Variants in HEXD observed in about 807,000 individuals in gnomAD.
HEXD encodes N-acetyl-beta-galactosaminidase.
HEXD carries 47 observed loss-of-function variants against 54.2 expected under a neutral mutation model. The observed-to-expected ratio is 0.87, with a 90% confidence interval of 0.69 to 1.11. The LOEUF is 1.11. Among genes scored for constraint, HEXD ranks in the 50% least tolerant of loss-of-function variants. The pLI is 0.00. For synonymous variants in HEXD, 293 were observed against 287.6 expected (o/e 1.02, Z -0.19); for missense variants, 576 against 649.2 (o/e 0.89, Z 1.23).
intron 6 of HEXD, among the ~76,000 whole-genome samples, chr17:82,436,416 G>A (rs993598280): frequency 7.2e-5 from 11 of 152,226 alleles, no homozygotes; most frequent in Non-Finnish European, 1.0e-4. Flanking sequence ...ATTCAGCCGC[G>A]TGCTCCAGCT....
At chr17:82,438,129 C>T (rs1290298301) in intron 8 of HEXD, among the ~76,000 whole-genome samples, 3 of 151,894 alleles carry the variant, frequency 2.0e-5, no homozygotes, top group Non-Finnish European at 2.9e-5. Context: ...CCTAGCTACT[C>T]GGGAGGCTGA....
intron 4 of HEXD, 128 bp downstream of exon 4, chr17:82,428,773 A>G (rs570393776): frequency 2.7e-6 from 2 of 750,920 alleles, no homozygotes; most frequent in African/African-American, 1.7e-5. Context: ...GCAGCTCAGC[A>G]CAACATGGAA....
intron 8 of HEXD, 60 bp downstream of exon 8, chr17:82,437,423 G>A (rs968196451): frequency 1.1e-4 from 161 of 1,419,594 alleles, no homozygotes; most frequent in Admixed American, 1.4e-4. Context: ...CCACCACGTC[G>A]GCCTGTGCAG....
At chr17:82,427,523 A>AATCAGGTGCGATGAGATG (rs1486985617) in intron 3 of HEXD, among the ~76,000 whole-genome samples, 3 of 152,038 alleles carry the variant, frequency 2.0e-5, no homozygotes, top group Non-Finnish European at 2.9e-5. Context: ...GCAATGAGAT[A>AATCAGGTGCGATGAGATG]ATCAGGTGCG....
rs1235887888 is a variant in HEXD at position 82,434,499 on chromosome 17, A to G, written c.447+677A>G. ...CCCAGAAGTTTCCTTTTTTTGAAGGAAACCTGAGTATGTAAAATACACTTA... is the reference window on the plus strand; with the variant it reads ...CCCAGAAGTTTCCTTTTTTTGAAGGGAACCTGAGTATGTAAAATACACTTA... On this transcript the variant is annotated intron_variant, in intron 5 of 12. Transcript: ENST00000327949. The surrounding 1 kb of genome is among the most constrained non-coding windows in gnomAD (Gnocchi z 4.5). Among the ~76,000 whole-genome samples the G allele has an allele frequency of 1.3e-5, 2 of 152,180 alleles. No homozygotes were observed. The highest frequency in any genetic ancestry group is 2.9e-5 in the Non-Finnish European group (2 of 68,026).
Position 82,418,379 on chromosome 17 carries a change from C to T in HEXD, c.-413C>T, listed in dbSNP as rs1163928364. The T allele has an allele frequency of 2.1e-6, 3 of 1,444,642 alleles. No individual in the cohort carries two copies. The highest frequency in any genetic ancestry group is 1.3e-5 in the South Asian group (1 of 78,334). 89.5% of individuals were successfully genotyped at this position (1,444,642 alleles called of 1,614,324 possible). ...CCCACTCCATGGCCCTGTCCGCCGC[C>T]GCAGCGCGCGCCCTTCCCCTCCTCA... On this transcript the variant is annotated 5_prime_UTR_variant, in exon 1 of 13. Transcript: ENST00000327949.
In HEXD at chr17:82,442,386, G is replaced by A. The variant is rs201336301; in HGVS notation, c.*2G>A. 32 of 1,609,812 alleles carry A rather than the reference G, an allele frequency of 2.0e-5. No homozygotes were observed. The East Asian group carries it at 6.9e-4, about 35-fold the overall frequency. ...AGGGACGTTGCTCAGGACCCCTGAG[G>A]GGAGAGCTCATGCCAGGGGGCTCCT... On this transcript the variant is annotated 3_prime_UTR_variant, in exon 13 of 13. Coordinates refer to ENST00000327949, the MANE Select transcript of HEXD (RefSeq NM_001330542.2). This position sits in a 1 kb window ranked among gnomAD's most constrained non-coding sequence, Gnocchi z 6.8.
At chr17:82,438,095 G>A (rs2053824362) in intron 8 of HEXD, among the ~76,000 whole-genome samples, 1 of 152,128 alleles carries the variant, frequency 6.6e-6, no homozygotes, top group Admixed American at 6.5e-5. Context: ...AAATTAGCCT[G>A]GCGTGGTGGC....
intron 2 of HEXD, 39 bp from the exon 3 acceptor site, chr17:82,424,355 C>A: frequency 1.4e-6 from 2 of 1,380,444 alleles, no homozygotes; most frequent in Non-Finnish European, 2.1e-6. Flanking sequence ...CGTGCTCCAG[C>A]AGCCACTTCT....
chr17:82,436,746 C>G lies in HEXD; in HGVS notation c.703+8C>G. On this transcript the variant is annotated splice_region_variant and intron_variant, in intron 7 of 12. Coordinates refer to ENST00000327949, the MANE Select transcript of HEXD (RefSeq NM_001330542.2). The stretch of plus-strand genomic sequence containing the variant: ...TGGATGTGCACGGCAAGGGTCAGTG[C>G]CAAGTTGTGGGGGGTGTGTTGTCCT... The G allele has an allele frequency of 6.2e-7, 1 of 1,610,094 alleles. No individual in the cohort carries two copies. The highest frequency in any genetic ancestry group is 8.5e-7 in the Non-Finnish European group (1 of 1,178,252).
chr17:82,433,624 C>A lies in HEXD; in HGVS notation c.283-34C>A, dbSNP rs540224748. 6 of 1,510,998 alleles carry A rather than the reference C, an allele frequency of 4.0e-6. No individual in the cohort carries two copies. The South Asian group carries it at 8.0e-5, about 20-fold the overall frequency. 93.6% of individuals were successfully genotyped at this position (1,510,998 alleles called of 1,614,324 possible). On this transcript the variant is annotated intron_variant, in intron 4 of 12. Coordinates refer to ENST00000327949, the MANE Select transcript of HEXD (RefSeq NM_001330542.2). ...CAGAAGGAGATCAGTCCAGCTCCTC[C>A]GCCCCCAACGCGAACTTCTCTGTCT...
intron 4 of HEXD, among the ~76,000 whole-genome samples, chr17:82,431,603 G>T (rs1427120606): frequency 6.6e-6 from 1 of 151,900 alleles, no homozygotes; most frequent in Admixed American, 6.6e-5. Context: ...TAGTAGAGAC[G>T]GGGTTTTGCC....
chr17:82,432,295 G>C (rs900187175), intron 4 of HEXD, among the ~76,000 whole-genome samples: 1 of 152,120 alleles, frequency 6.6e-6, no homozygotes, highest in South Asian at 2.1e-4. Context: ...TCTGTTTCCA[G>C]GGTCACCCAT....
chr17:82,422,831 T>C (rs1055962484), intron 2 of HEXD, among the ~76,000 whole-genome samples: 1 of 151,924 alleles, frequency 6.6e-6, no homozygotes, highest in African/African-American at 2.4e-5. Flanking sequence ...CTGAGGAGGG[T>C]GGATCACCTG....
chr17:82,421,556 T>A (rs1410123563), intron 2 of HEXD, among the ~76,000 whole-genome samples: 1 of 152,184 alleles, frequency 6.6e-6, no homozygotes, highest in Non-Finnish European at 1.5e-5. Flanking sequence ...CTGGCCATGG[T>A]GGCTCACGTC....
At chr17:82,439,594 C>T (rs375473179) in intron 8 of HEXD, 37 bp from the exon 9 acceptor site, 30 of 1,508,450 alleles carry the variant, frequency 2.0e-5, no homozygotes, top group African/African-American at 1.7e-4. Flanking sequence ...CTGCTGGGGG[C>T]GGGCTGCGGA....
chr17:82,434,120 C>G lies in HEXD; in HGVS notation c.447+298C>G, dbSNP rs967104961. ...GCACCCTCGTGTCAGACGAGACCAC[C>G]CCGGGCGGCTGGGCTGGCGGAAGCC... is the stretch of plus-strand genomic sequence containing the variant. On this transcript the variant is annotated intron_variant, in intron 5 of 12. Transcript: ENST00000327949. This position sits in a 1 kb window ranked among gnomAD's most constrained non-coding sequence, Gnocchi z 4.5. Among the ~76,000 whole-genome samples the G allele has an allele frequency of 6.6e-6, 1 of 152,224 alleles. No homozygotes were observed. The highest frequency in any genetic ancestry group is 2.4e-5 in the African/African-American group (1 of 41,468).
At chr17:82,438,017 A>G in intron 8 of HEXD, among the ~76,000 whole-genome samples, 1 of 152,078 alleles carries the variant, frequency 6.6e-6, no homozygotes, top group East Asian at 1.9e-4. Flanking sequence ...CGGGTGGATC[A>G]CCTGAGGTCC....
Position 82,424,125 on chromosome 17 carries a change from G to A in HEXD, c.85-269G>A, listed in dbSNP as rs113366349. 4.8e-3 allele frequency among the ~76,000 whole-genome samples: 737 copies of A among 152,264 alleles called. 3 individuals are homozygous for A. Among genetic ancestry groups the A allele is most frequent in the Non-Finnish European group, 7.8e-3 (528 of 68,016 alleles). ...TGGTGGCTCCCTGCTGGCCGGACCC[G>A]TCCCTCCCAAGCTGAGCCACCAGCG... On this transcript the variant is annotated intron_variant, in intron 2 of 12. Transcript: ENST00000327949.
Sources: allele counts gnomAD v4.1 joint callset (sites outside exome capture counted in the v4.1 genomes callset), GRCh38; gene constraint gnomAD v4.1.1; non-coding constraint Gnocchi (gnomAD v3.1); transcripts MANE v1.5; gene names NCBI Gene and HGNC (gene_info 2026-07-23, HGNC 2026-07-21).